ST6GAL1: variants seen among roughly 807,000 people sequenced by gnomAD.
ST6GAL1 encodes the protein ST6 beta-galactoside alpha-2,6-sialyltransferase 1.
Under a neutral mutation model 38.0 loss-of-function variants are expected in ST6GAL1, and 20 were observed. That is an observed-to-expected ratio of 0.53 (90% CI 0.37 to 0.77). The LOEUF (loss-of-function observed/expected upper bound fraction) is 0.77. Among genes scored for constraint, ST6GAL1 ranks in the 30% least tolerant of loss-of-function variants. ST6GAL1 has a pLI of 0.00. For missense variants in ST6GAL1, 432 were observed against 496.4 expected (o/e 0.87, Z 1.23); for synonymous variants, 196 against 188.2 (o/e 1.04, Z -0.34).
At chr3:187,031,675 T>G (rs1272710896) in intron 2 of ST6GAL1, among the ~76,000 whole-genome samples, 1 of 152,164 alleles carries the variant, frequency 6.6e-6, no homozygotes, top group Non-Finnish European at 1.5e-5. Flanking sequence ...CTTCAAGTCA[T>G]CCACCTGCCT....
intron 2 of ST6GAL1, among the ~76,000 whole-genome samples, chr3:187,001,968 A>C (rs1224826561): frequency 6.6e-6 from 1 of 151,298 alleles, no homozygotes; most frequent in Admixed American, 6.6e-5. Context: ...AAAAAAAAAA[A>C]AAACCCAAAA....
At chr3:186,969,757 A>G (rs1715284834) in intron 2 of ST6GAL1, among the ~76,000 whole-genome samples, 1 of 152,188 alleles carries the variant, frequency 6.6e-6, no homozygotes, top group African/African-American at 2.4e-5. Context: ...AGGAGAAGCT[A>G]TATGAATTGG....
At chr3:187,037,608 G>T (rs1375612493) in intron 2 of ST6GAL1, among the ~76,000 whole-genome samples, 2 of 152,022 alleles carry the variant, frequency 1.3e-5, no homozygotes, top group East Asian at 1.9e-4. Flanking sequence ...TTAGAGACAG[G>T]TTCACTCTGT....
At chr3:187,022,784 G>C (rs1025541664) in intron 2 of ST6GAL1, among the ~76,000 whole-genome samples, 1 of 152,164 alleles carries the variant, frequency 6.6e-6, no homozygotes, top group African/African-American at 2.4e-5. Flanking sequence ...ATTTCCTTCA[G>C]AGTCTGCTGT....
intron 5 of ST6GAL1, among the ~76,000 whole-genome samples, chr3:187,065,970 T>C (rs1719098575): frequency 6.6e-6 from 1 of 152,190 alleles, no homozygotes; most frequent in Non-Finnish European, 1.5e-5. Context: ...AGAGGTGGGA[T>C]TTGGTTCTAG....
At chr3:187,012,963 C>T (rs1010054974) in intron 2 of ST6GAL1, among the ~76,000 whole-genome samples, 3 of 152,212 alleles carry the variant, frequency 2.0e-5, no homozygotes, top group Non-Finnish European at 2.9e-5. Context: ...AGCAAATCTT[C>T]TCCACCAGGC....
intron 2 of ST6GAL1, among the ~76,000 whole-genome samples, chr3:187,026,094 G>A (rs1174705268): frequency 2.0e-5 from 3 of 152,200 alleles, no homozygotes; most frequent in East Asian, 1.9e-4. Context: ...GGCACTGCGC[G>A]CCCCTCATGG....
intron 2 of ST6GAL1, among the ~76,000 whole-genome samples, chr3:186,974,623 C>T (rs1263642924): frequency 6.6e-6 from 1 of 151,516 alleles, no homozygotes; most frequent in Admixed American, 6.6e-5. Context: ...ATGCAAAAGA[C>T]AGGAGAATTA....
intron 2 of ST6GAL1, among the ~76,000 whole-genome samples, chr3:187,015,942 C>A (rs1560163444): frequency 6.6e-6 from 1 of 152,206 alleles, no homozygotes; most frequent in Non-Finnish European, 1.5e-5. Context: ...CCTTTAACTT[C>A]TTTGAGATTC....
chr3:186,931,321 T>A (rs1222911074), intron 1 of ST6GAL1: 1 of 152,322 alleles, frequency 6.6e-6, no homozygotes, highest in Non-Finnish European at 1.5e-5. Context: ...GCCGGGCCAT[T>A]GTCTCAGCCT....
intron 1 of ST6GAL1, among the ~76,000 whole-genome samples, chr3:186,932,771 A>G (rs1016952549): frequency 1.3e-5 from 2 of 152,096 alleles, no homozygotes; most frequent in Admixed American, 6.5e-5. Context: ...CTTTTTTTTT[A>G]ACGAGAGTCC....
At chr3:187,068,341 C>CAAA (rs112868643) in intron 5 of ST6GAL1, among the ~76,000 whole-genome samples, 38 of 87,818 alleles carry the variant, frequency 4.3e-4, no homozygotes, top group African/African-American at 1.2e-3. Flanking sequence ...GACTCCATCT[C>CAAA]AAAAAAAAAA....
At chr3:186,960,017 G>A (rs1560142371) in intron 1 of ST6GAL1, among the ~76,000 whole-genome samples, 2 of 152,116 alleles carry the variant, frequency 1.3e-5, no homozygotes, top group Non-Finnish European at 2.9e-5. Flanking sequence ...CAGAGCACTC[G>A]AGCAATGGTT....
intron 2 of ST6GAL1, among the ~76,000 whole-genome samples, chr3:186,967,784 A>G (rs1005046088): frequency 6.6e-6 from 1 of 152,224 alleles, no homozygotes; most frequent in Non-Finnish European, 1.5e-5. Context: ...AGAAAGGGGA[A>G]GGATGTTATT....
chr3:187,063,534 A>G (rs1718991891), intron 5 of ST6GAL1, among the ~76,000 whole-genome samples: 2 of 152,192 alleles, frequency 1.3e-5, no homozygotes, highest in South Asian at 4.1e-4. Context: ...AGAGAAACCA[A>G]TCTCTGTTTG....
At chr3:187,072,594 A>C in intron 5 of ST6GAL1, 1 of 422,276 alleles carries the variant, frequency 2.4e-6, no homozygotes. Context: ...TTGCCCCCGT[A>C]ATCTCAAAGC....
At chr3:186,978,957 C>G (rs955745869) in intron 2 of ST6GAL1, among the ~76,000 whole-genome samples, 3 of 151,810 alleles carry the variant, frequency 2.0e-5, no homozygotes, top group African/African-American at 7.3e-5. Flanking sequence ...TGAACTTTAC[C>G]TTTTCTGACT....
intron 2 of ST6GAL1, among the ~76,000 whole-genome samples, chr3:186,977,916 A>G (rs1657964341): frequency 6.6e-6 from 1 of 152,200 alleles, no homozygotes; most frequent in African/African-American, 2.4e-5. Context: ...CATTTAATAG[A>G]TAAGAAAACA....
intron 2 of ST6GAL1, among the ~76,000 whole-genome samples, chr3:187,015,841 GA>G (rs563183101): frequency 1.3e-5 from 2 of 150,204 alleles, no homozygotes; most frequent in East Asian, 1.9e-4. Context: ...CTTGTCTCAG[GA>G]AAAAAAAATA....
Sources: allele counts gnomAD v4.1 joint callset (sites outside exome capture counted in the v4.1 genomes callset), GRCh38; gene constraint gnomAD v4.1.1; transcripts MANE v1.5; gene names NCBI Gene and HGNC (gene_info 2026-07-23, HGNC 2026-07-21).